The following MAD1L1 variants were observed in gnomAD, a reference collection of about 807,000 sequenced individuals.
MAD1L1 encodes the protein mitotic spindle assembly checkpoint protein MAD1.
MAD1L1 carries 95 observed loss-of-function variants against 96.9 expected under a neutral mutation model. The ratio of observed to expected loss-of-function variants is 0.98; its 90% CI spans 0.83 to 1.16. The LOEUF (loss-of-function observed/expected upper bound fraction) is 1.16, where lower values mean the gene tolerates loss of function less well. MAD1L1 is among the 50% of genes most tolerant of loss of function. The pLI, the probability that MAD1L1 is intolerant of heterozygous loss-of-function variation, is 0.00. For synonymous variants in MAD1L1, 473 were observed against 396.6 expected (o/e 1.19, Z -2.29); for missense variants, 1,007 against 954.4 (o/e 1.06, Z -0.73).
At chr7:1,863,815 G>A (rs376364601) in intron 18 of MAD1L1, among the ~76,000 whole-genome samples, 6 of 152,274 alleles carry the variant, frequency 3.9e-5, no homozygotes, top group Middle Eastern at 3.4e-3. Flanking sequence ...AAGGCCAGGC[G>A]CGGTGGCTCC....
At chr7:2,016,478 C>T (rs1782545948) in intron 12 of MAD1L1, among the ~76,000 whole-genome samples, 1 of 152,310 alleles carries the variant, frequency 6.6e-6, no homozygotes, top group Admixed American at 6.5e-5. Context: ...TCTGCACGTA[C>T]ACAAGCTGAG....
chr7:2,111,131 CAA>C (rs1787356435), intron 11 of MAD1L1, among the ~76,000 whole-genome samples: 1 of 152,206 alleles, frequency 6.6e-6, no homozygotes, highest in African/African-American at 2.4e-5. Flanking sequence ...ACAAGAGGAA[CAA>C]AGAAGAAACA....
chr7:2,074,587 G>A (rs1427603374), intron 11 of MAD1L1, among the ~76,000 whole-genome samples: 1 of 152,198 alleles, frequency 6.6e-6, no homozygotes, highest in Non-Finnish European at 1.5e-5. Context: ...CTGGGAGGGG[G>A]CAAGGCCAGC....
Position 2,115,528 on chromosome 7 carries a change from A to G in MAD1L1, c.1073+33624T>C, listed in dbSNP as rs1000129937. ...AGGAGGCGCTGGACAGGGTCCCCGCATGTTCCGGGGTCAGAGGAGGCGCTG... is the reference window on the plus strand; with the variant it reads ...AGGAGGCGCTGGACAGGGTCCCCGCGTGTTCCGGGGTCAGAGGAGGCGCTG... On this transcript the variant is annotated intron_variant, in intron 11 of 18. Coordinates refer to ENST00000265854, the MANE Select transcript of MAD1L1 (RefSeq NM_001013836.2). 9.7e-3 allele frequency among the ~76,000 whole-genome samples: 797 copies of G among 82,370 alleles called. 1 individual carries two copies. The highest frequency in any genetic ancestry group is 0.019 in the South Asian group (45 of 2,390). 54.0% of individuals were successfully genotyped at this position (82,370 alleles called of 152,430 possible). A position where few individuals can be genotyped will look rare whatever the true frequency, so the allele number is the denominator to read the frequency against.
intron 11 of MAD1L1, among the ~76,000 whole-genome samples, chr7:2,111,624 C>T (rs7780017): frequency 0.035 from 5,266 of 152,308 alleles, 317 homozygotes; most frequent in African/African-American, 0.12. Context: ...CAAGCCAACA[C>T]GGCTGGGGGC....
rs554006289 is a variant in MAD1L1, at chr7:1,831,666, C to T, written c.1999-15438G>A. ...AAGGAAATCACAAGGGCTATTCCAA[C>T]GAACACATGAATGATAAGAAAGCAG... On this transcript the variant is annotated intron_variant, in intron 18 of 18. Coordinates refer to ENST00000265854, the MANE Select transcript of MAD1L1 (RefSeq NM_001013836.2). 3.7e-4 allele frequency among the ~76,000 whole-genome samples: 57 copies of T among 152,288 alleles called. No individual in the cohort carries two copies. In the South Asian group the frequency reaches 0.011, roughly 30 times the overall value.
intron 11 of MAD1L1, among the ~76,000 whole-genome samples, chr7:2,105,316 G>C (rs1787031402): frequency 6.6e-6 from 1 of 152,144 alleles, no homozygotes; most frequent in Non-Finnish European, 1.5e-5. Context: ...GGTGGAGTGA[G>C]GGGGCCCAGC....
chr7:2,221,039 C>T, intron 5 of MAD1L1: 1 of 1,610,448 alleles, frequency 6.2e-7, no homozygotes, highest in Non-Finnish European at 8.5e-7. Flanking sequence ...CAGGAGAAGG[C>T]AGTCAAGGCC....
intron 17 of MAD1L1, among the ~76,000 whole-genome samples, chr7:1,901,858 T>C (rs1787265473): frequency 6.6e-6 from 1 of 152,124 alleles, no homozygotes; most frequent in African/African-American, 2.4e-5. Flanking sequence ...GCAACTCCCC[T>C]CTGCCTAGAT....
chr7:2,115,803 G>A (rs1016484332), intron 11 of MAD1L1, among the ~76,000 whole-genome samples: 1 of 152,270 alleles, frequency 6.6e-6, no homozygotes, highest in African/African-American at 2.4e-5. Context: ...CGGAGCAGAG[G>A]GAACGCACTG....
intron 11 of MAD1L1, among the ~76,000 whole-genome samples, chr7:2,078,933 TG>T (rs1785503909): frequency 6.6e-6 from 1 of 152,306 alleles, no homozygotes; most frequent in East Asian, 1.9e-4. Flanking sequence ...GGCCGTGCCT[TG>T]GGCACCCCCA....
intron 11 of MAD1L1, among the ~76,000 whole-genome samples, chr7:2,112,421 C>A (rs572862708): frequency 2.0e-5 from 3 of 152,220 alleles, no homozygotes; most frequent in Admixed American, 1.3e-4. Flanking sequence ...ACGGCACCCA[C>A]GGTGCTGAGA....
intron 12 of MAD1L1, among the ~76,000 whole-genome samples, chr7:2,021,136 G>A (rs758754186): frequency 1.9e-4 from 29 of 152,320 alleles, no homozygotes; most frequent in South Asian, 8.3e-4. Context: ...GAAGGAGAAG[G>A]AGGCGAGGAG....
chr7:1,993,102 G>A (rs1052549867), intron 14 of MAD1L1, among the ~76,000 whole-genome samples: 5 of 152,196 alleles, frequency 3.3e-5, no homozygotes, highest in South Asian at 2.1e-4. Flanking sequence ...TCGTGGAGTG[G>A]AATGCACGGG....
chr7:1,823,470 C>T (rs1308977451), intron 18 of MAD1L1, among the ~76,000 whole-genome samples: 2 of 152,160 alleles, frequency 1.3e-5, no homozygotes, highest in African/African-American at 4.8e-5. Flanking sequence ...AGCTACACGA[C>T]AGGGCGCCAG....
intron 10 of MAD1L1, among the ~76,000 whole-genome samples, chr7:2,160,377 G>C (rs991181310): frequency 1.4e-5 from 2 of 144,304 alleles, no homozygotes; most frequent in South Asian, 2.2e-4. Context: ...CTGTGGCCCA[G>C]GCTGGAGTGC....
chr7:2,032,556 G>A (rs144030425), intron 12 of MAD1L1, among the ~76,000 whole-genome samples: 353 of 152,342 alleles, frequency 2.3e-3, no homozygotes, highest in Middle Eastern at 0.014. Flanking sequence ...CATCTCAGCT[G>A]GGGAGAGCTG....
intron 18 of MAD1L1, among the ~76,000 whole-genome samples, chr7:1,893,886 C>T (rs970605207): frequency 6.6e-6 from 1 of 152,182 alleles, no homozygotes; most frequent in African/African-American, 2.4e-5. Context: ...GCTGCATGGC[C>T]CCAAGGAGTC....
At chr7:1,858,997 C>T (rs912988198) in intron 18 of MAD1L1, among the ~76,000 whole-genome samples, 2 of 152,180 alleles carry the variant, frequency 1.3e-5, no homozygotes, top group African/African-American at 2.4e-5. Context: ...ATCTGGGGGG[C>T]GTCCCCCGAC....
Sources: gnomAD v4.1 joint callset for allele counts (sites outside exome capture counted in the v4.1 genomes callset) on GRCh38, gnomAD v4.1.1 for gene constraint, MANE v1.5 for transcripts, NCBI Gene and HGNC (gene_info 2026-07-23, HGNC 2026-07-21) for gene names.